The following TRIM2 variants were observed in gnomAD, a reference collection of about 807,000 sequenced individuals.
The protein encoded by TRIM2 is tripartite motif containing 2.
A neutral mutation model predicts 75.2 loss-of-function variants in TRIM2; 20 were observed. The ratio of observed to expected loss-of-function variants is 0.27; its 90% CI spans 0.19 to 0.39. TRIM2 has a LOEUF of 0.39. Among genes scored for constraint, TRIM2 ranks in the 10% least tolerant of loss-of-function variants. The pLI, the probability that TRIM2 is intolerant of heterozygous loss-of-function variation, is 1.00. For synonymous variants in TRIM2, 373 were observed against 388.3 expected, an observed-to-expected ratio of 0.96 and a Z score of 0.46; for missense variants, 660 against 990.8, an observed-to-expected ratio of 0.67 and a Z score of 4.48.
intron 8 of TRIM2, among the ~76,000 whole-genome samples, chr4:153,317,165 C>T (rs1767840052): frequency 6.7e-6 from 1 of 149,894 alleles, no homozygotes; most frequent in Admixed American, 6.7e-5. Context: ...CAGGCGTGAG[C>T]CACCACGCCT....
intron 1 of TRIM2, among the ~76,000 whole-genome samples, chr4:153,235,522 G>A (rs1022137696): frequency 2.8e-4 from 42 of 152,126 alleles, no homozygotes; most frequent in African/African-American, 9.7e-4. Context: ...CTCAACTTAA[G>A]TGATCCACCT....
At chr4:153,318,425 A>G (rs1768170411) in intron 8 of TRIM2, among the ~76,000 whole-genome samples, 1 of 152,154 alleles carries the variant, frequency 6.6e-6, no homozygotes, top group Non-Finnish European at 1.5e-5. Context: ...ATTGCATGCA[A>G]TTCTTCAATC....
rs1736319141 is a variant in TRIM2 at position 153,209,332 on chromosome 4, C to A, written c.30+4772C>A. On this transcript the variant is annotated intron_variant, in intron 1 of 11. Coordinates refer to ENST00000338700, the MANE Select transcript of TRIM2 (RefSeq NM_015271.5). Reference sequence around the variant, plus strand: ...TTATCACTCCGATATGTTCAAGGGACCCACCCCCATAAAAGATGGAAGATG... The same window carrying A: ...TTATCACTCCGATATGTTCAAGGGAACCACCCCCATAAAAGATGGAAGATG... 2.6e-5 allele frequency among the ~76,000 whole-genome samples: 4 copies of A among 152,174 alleles called. 1 individual carries two copies. In the South Asian group the frequency reaches 8.3e-4, roughly 31 times the overall value.
intron 1 of TRIM2, among the ~76,000 whole-genome samples, chr4:153,166,142 C>T (rs570502101): frequency 2.6e-5 from 4 of 152,126 alleles, no homozygotes; most frequent in Non-Finnish European, 5.9e-5. Context: ...TCTTATTTCA[C>T]GGATGCAATA....
intron 1 of TRIM2, among the ~76,000 whole-genome samples, chr4:153,170,046 A>T (rs1382748079): frequency 6.6e-6 from 1 of 152,226 alleles, no homozygotes; most frequent in African/African-American, 2.4e-5. Flanking sequence ...GTACATTTCA[A>T]TCCACTGCAT....
At chr4:153,173,473 C>T (rs1162390266) in intron 1 of TRIM2, among the ~76,000 whole-genome samples, 1 of 151,136 alleles carries the variant, frequency 6.6e-6, no homozygotes, top group African/African-American at 2.4e-5. Flanking sequence ...ACCAGCCTGG[C>T]AACATGGTAA....
chr4:153,265,104 G>T (rs766090119), intron 1 of TRIM2, among the ~76,000 whole-genome samples: 1 of 150,956 alleles, frequency 6.6e-6, no homozygotes, highest in Non-Finnish European at 1.5e-5. Flanking sequence ...TTTAGTCAAC[G>T]TATATCATTT....
Position 153,313,627 on chromosome 4 carries a change from C to CTTTTTTTTT in TRIM2, c.1511-1843_1511-1835dup, listed in dbSNP as rs398051309. On this transcript the variant is annotated intron_variant, in intron 6 of 11. Transcript: ENST00000338700. ...GTCGAAAAACAAAATAGCAATGGCT[C>CTTTTTTTTT]TTTTTTTTTTTTTTTTTTTTTTTGA... is the stretch of plus-strand genomic sequence containing the variant. 1.7e-3 allele frequency among the ~76,000 whole-genome samples: 170 copies of CTTTTTTTTT among 98,512 alleles called. 4 individuals carry two copies. Among genetic ancestry groups the CTTTTTTTTT allele is most frequent in the African/African-American group, 7.2e-3 (161 of 22,234 alleles). 64.6% of individuals were successfully genotyped at this position (98,512 alleles called of 152,430 possible).
intron 1 of TRIM2, among the ~76,000 whole-genome samples, chr4:153,171,830 C>T (rs993205245): frequency 1.2e-3 from 140 of 117,620 alleles, no homozygotes; most frequent in African/African-American, 4.7e-3. Flanking sequence ...GCCATATTTT[C>T]GTTTTGGGGC....
intron 1 of TRIM2, among the ~76,000 whole-genome samples, chr4:153,176,102 C>T (rs1252717364): frequency 3.3e-5 from 5 of 151,784 alleles, no homozygotes; most frequent in Admixed American, 2.6e-4. Context: ...GATATATGCA[C>T]TTCACCCTAA....
At chr4:153,324,229 T>TA in intron 10 of TRIM2, 81 bp downstream of exon 10, 2 of 1,211,276 alleles carry the variant, frequency 1.7e-6, no homozygotes, top group East Asian at 2.5e-5. Context: ...ATGCAATACT[T>TA]ACATATGGCA....
intron 11 of TRIM2, among the ~76,000 whole-genome samples, chr4:153,329,208 A>G (rs1485850006): frequency 6.6e-6 from 1 of 152,114 alleles, no homozygotes; most frequent in Non-Finnish European, 1.5e-5. Flanking sequence ...TTGCTCTATC[A>G]TAATTTAGTA....
chr4:153,154,615 A>G (rs1729051554), intron 1 of TRIM2, among the ~76,000 whole-genome samples: 1 of 152,230 alleles, frequency 6.6e-6, no homozygotes, highest in African/African-American at 2.4e-5. Context: ...AGCAAGTAGA[A>G]AAGACAGAAA....
intron 7 of TRIM2, 92 bp downstream of exon 7, chr4:153,315,680 T>C: frequency 7.0e-7 from 1 of 1,438,074 alleles, no homozygotes; most frequent in African/African-American, 1.4e-5. Context: ...AGATACATGG[T>C]GTAAGGAAAA....
chr4:153,160,865 T>G (rs1453499724), intron 1 of TRIM2, among the ~76,000 whole-genome samples: 1 of 151,860 alleles, frequency 6.6e-6, no homozygotes, highest in East Asian at 1.9e-4. Context: ...TGCTTTAGCC[T>G]CCCGAAGTGC....
chr4:153,276,798 C>T (rs1223712404), intron 3 of TRIM2, among the ~76,000 whole-genome samples: 1 of 152,054 alleles, frequency 6.6e-6, no homozygotes, highest in Non-Finnish European at 1.5e-5. Flanking sequence ...ATTCCCTGTG[C>T]CAGCTTTGGT....
chr4:153,214,817 T>C (rs1049026505), intron 1 of TRIM2, among the ~76,000 whole-genome samples: 2 of 152,228 alleles, frequency 1.3e-5, no homozygotes, highest in Non-Finnish European at 2.9e-5. Flanking sequence ...TTGACAAGCA[T>C]ACTAGGTGTT....
intron 1 of TRIM2, among the ~76,000 whole-genome samples, chr4:153,247,091 T>C (rs1241214863): frequency 6.6e-6 from 1 of 152,186 alleles, no homozygotes; most frequent in African/African-American, 2.4e-5. Context: ...CTGATCTTTT[T>C]AAGAAGGCTG....
Position 153,336,000 on chromosome 4 carries a change from T to C in TRIM2, c.*1034T>C. The stretch of plus-strand genomic sequence containing the variant: ...CTTAGAAAGCAAGTGTTACCAAAGT[T>C]GTGTTATCTTGAAAGCATTACAGGT... On this transcript the variant is annotated 3_prime_UTR_variant, in exon 12 of 12. Transcript: ENST00000338700. 1.0e-6 allele frequency: 1 copy of C among 985,846 alleles called. No homozygotes were observed. The highest frequency in any genetic ancestry group is 1.2e-6 in the Non-Finnish European group (1 of 829,936). The allele number at this position is 985,846 out of a possible 1,614,324, so 61.1% of individuals were successfully genotyped here.
Sources: gnomAD v4.1 joint callset for allele counts (sites outside exome capture counted in the v4.1 genomes callset) on GRCh38, gnomAD v4.1.1 for gene constraint, MANE v1.5 for transcripts, NCBI Gene and HGNC (gene_info 2026-07-23, HGNC 2026-07-21) for gene names.